The following ACADSB variants were observed in gnomAD, a reference collection of about 807,000 sequenced individuals.
ACADSB encodes short/branched chain specific acyl-CoA dehydrogenase, mitochondrial.
ACADSB carries 40 observed loss-of-function variants against 54.1 expected under a neutral mutation model. The observed-to-expected ratio is 0.74, with a 90% CI of 0.57 to 0.96. The LOEUF (loss-of-function observed/expected upper bound fraction) is 0.96, where lower values mean the gene tolerates loss of function less well. Among genes scored for constraint, ACADSB ranks in the 40% least tolerant of loss-of-function variants. The probability of loss-of-function intolerance (pLI) is 0.00; values close to 1 mark genes in which losing one functional copy is unlikely to be tolerated. For missense variants in ACADSB, 530 were observed against 510.4 expected, an observed-to-expected ratio of 1.04 and a Z score of -0.37; for synonymous variants, 182 against 182.8, an observed-to-expected ratio of 1.00 and a Z score of 0.03.
intron 1 of ACADSB, among the ~76,000 whole-genome samples, chr10:123,018,693 C>G (rs138833528): frequency 2.6e-5 from 4 of 152,168 alleles, no homozygotes; most frequent in African/African-American, 9.7e-5. Context: ...CGCAGTTCCA[C>G]GTGGCTGACG....
At chr10:123,041,966 C>CT (rs373340179) in intron 5 of ACADSB, among the ~76,000 whole-genome samples, 68,262 of 132,660 alleles carry the variant, frequency 0.51, 17,778 homozygotes, top group Middle Eastern at 0.6. Flanking sequence ...TTTTTCTTTT[C>CT]TTTTTTTTTT....
At chr10:123,012,659 G>A (rs757518227) in intron 1 of ACADSB, among the ~76,000 whole-genome samples, 24 of 152,004 alleles carry the variant, frequency 1.6e-4, no homozygotes, top group Non-Finnish European at 2.9e-4. Flanking sequence ...CGGCACATCT[G>A]GAGTTGTTCG....
chr10:123,043,879 T>C (rs1265318043), intron 6 of ACADSB, among the ~76,000 whole-genome samples: 1 of 152,248 alleles, frequency 6.6e-6, no homozygotes, highest in Non-Finnish European at 1.5e-5. Flanking sequence ...TTTTAAAGTA[T>C]GAATAAGCAT....
chr10:123,022,371 G>A (rs1850194439), intron 1 of ACADSB, among the ~76,000 whole-genome samples: 1 of 152,200 alleles, frequency 6.6e-6, no homozygotes, highest in Admixed American at 6.5e-5. Flanking sequence ...TGAAGCCACA[G>A]CTACTGAGCC....
At chr10:123,026,520 G>A (rs1850254294) in intron 1 of ACADSB, among the ~76,000 whole-genome samples, 1 of 152,050 alleles carries the variant, frequency 6.6e-6, no homozygotes. Flanking sequence ...AAGGAGTTTT[G>A]TTGTACCTTC....
At chr10:123,031,740 G>A (rs1850329880) in intron 1 of ACADSB, among the ~76,000 whole-genome samples, 1 of 152,094 alleles carries the variant, frequency 6.6e-6, no homozygotes, top group Non-Finnish European at 1.5e-5. Context: ...TGTATTTTAT[G>A]AAGAGCATCT....
chr10:123,040,658 C>G lies in ACADSB; in HGVS notation c.496C>G (p.Leu166Val), dbSNP rs186081101. ...ACAAAAGGCCACCTATTTGCCTCAG[C>G]TCACTACAGAAAAAGTGAGTTGAGA... ...EEQKATYLPQLTTEKVGSFCL... is the reference protein window; with the variant it reads ...EEQKATYLPQVTTEKVGSFCL... The change falls in exon 4 of 11, where the codon CTC (leucine) becomes GTC (valine). Residue 166 changes from leucine (L) to valine (V), a missense_variant. Leu to Val is a conservative substitution (Grantham distance 32). Transcript: ENST00000358776. The G allele has an allele frequency of 2.2e-5, 36 of 1,613,018 alleles. No individual in the cohort carries two copies. Among genetic ancestry groups the G allele is most frequent in the Non-Finnish European group, 3.1e-5 (36 of 1,179,030 alleles).
Position 123,041,294 on chromosome 10 carries a change from A to G in ACADSB, c.596A>G (p.Tyr199Cys). ...KTRADKEGDYYVLNGSKMWIS... is the reference protein window; with the variant it reads ...KTRADKEGDYCVLNGSKMWIS... ...AGAGCTGATAAAGAGGGAGATTATT[A>G]TGTCCTCAATGGATCAAAGATGTGG... The change falls in exon 5 of 11, where the codon TAT becomes TGT. Residue 199 changes from tyrosine to cysteine, a missense_variant. Tyr to Cys is a radical substitution (Grantham distance 194). Transcript: ENST00000358776. 3 of 1,614,200 alleles carry G rather than the reference A, an allele frequency of 1.9e-6. No homozygotes were observed. The highest frequency in any genetic ancestry group is 8.5e-7 in the Non-Finnish European group (1 of 1,180,018).
intron 6 of ACADSB, among the ~76,000 whole-genome samples, 196 bp downstream of exon 6, chr10:123,043,367 G>T (rs149934171): frequency 7.9e-5 from 12 of 152,348 alleles, no homozygotes; most frequent in African/African-American, 2.9e-4. Context: ...AAACCTTTCT[G>T]CCAAGAAGCT....
At chr10:123,024,253 G>A (rs1850219448) in intron 1 of ACADSB, among the ~76,000 whole-genome samples, 2 of 152,234 alleles carry the variant, frequency 1.3e-5, no homozygotes, top group Admixed American at 6.5e-5. Flanking sequence ...TTTAGTATAA[G>A]AAAAGAAGGT....
intron 2 of ACADSB, among the ~76,000 whole-genome samples, chr10:123,035,475 TG>T (rs1295417546): frequency 6.6e-6 from 1 of 152,180 alleles, no homozygotes; most frequent in African/African-American, 2.4e-5. Context: ...TTAGAGAATA[TG>T]GATGTTAAGT....
chr10:123,051,120 T>C lies in ACADSB; in HGVS notation c.1062T>C (p.Ala354=), dbSNP rs886046780. The C allele has an allele frequency of 5.0e-6, 8 of 1,603,676 alleles. No individual in the cohort carries two copies. Among genetic ancestry groups the C allele is most frequent in the East Asian group, 4.5e-5 (2 of 44,538 alleles). The part of the protein sequence containing the change: ...EAARLLTYNA[A]RLLEAGKPFI... ...CAAGATTACTAACATACAATGCTGC[T>C]AGGCTTTTAGAAGCTGGAAAGCCAT... Residue 354 remains alanine (A), a synonymous_variant, in exon 9 of 11, where the codon GCT becomes GCC. Coordinates refer to ENST00000358776, the MANE Select transcript of ACADSB (RefSeq NM_001609.4).
rs192427864 is a variant in ACADSB at position 123,012,519 on chromosome 10, G to A, written c.42+3448G>A. ...GGTGAGTGCTACAGTTCTTAAAGGC[G>A]GTGTGTCTGGAGTTTGTTCCTTCTG... On this transcript the variant is annotated intron_variant, in intron 1 of 10. Transcript: ENST00000358776. Among the ~76,000 whole-genome samples, 8 of 152,184 alleles carry A rather than the reference G, an allele frequency of 5.3e-5. No individual in the cohort carries two copies. In the South Asian group the frequency reaches 8.3e-4, roughly 16 times the overall value.
At chr10:123,040,097 A>T (rs763280192) in intron 3 of ACADSB, among the ~76,000 whole-genome samples, 24 of 152,114 alleles carry the variant, frequency 1.6e-4, no homozygotes, top group Admixed American at 5.2e-4. Context: ...TGTAATCCCA[A>T]CACTTTGAGA....
At chr10:123,012,852 C>A (rs1188074733) in intron 1 of ACADSB, among the ~76,000 whole-genome samples, 1 of 152,220 alleles carries the variant, frequency 6.6e-6, no homozygotes, top group African/African-American at 2.4e-5. Context: ...ATTGCCACTG[C>A]TGGCTCGGCA....
At chr10:123,028,121 C>T (rs1398368995) in intron 1 of ACADSB, among the ~76,000 whole-genome samples, 2 of 152,168 alleles carry the variant, frequency 1.3e-5, no homozygotes, top group African/African-American at 2.4e-5. Context: ...AACTGAAAAA[C>T]AACTCACCAC....
intron 1 of ACADSB, among the ~76,000 whole-genome samples, chr10:123,033,686 T>G (rs1482164623): frequency 6.6e-6 from 1 of 152,218 alleles, no homozygotes; most frequent in Non-Finnish European, 1.5e-5. Context: ...ACCTGCATTT[T>G]ACAGGTAAGG....
At chr10:123,049,643 T>C (rs1248925171) in intron 8 of ACADSB, among the ~76,000 whole-genome samples, 3 of 152,154 alleles carry the variant, frequency 2.0e-5, no homozygotes, top group Non-Finnish European at 2.9e-5. Flanking sequence ...AATAGACCCA[T>C]GCATGCAGCA....
intron 1 of ACADSB, among the ~76,000 whole-genome samples, chr10:123,028,855 A>AC (rs1278420286): frequency 6.6e-6 from 1 of 151,968 alleles, no homozygotes; most frequent in East Asian, 1.9e-4. Flanking sequence ...ACATAGCAAG[A>AC]CCCCATCTCT....
Sources: gnomAD v4.1 joint callset for allele counts (sites outside exome capture counted in the v4.1 genomes callset) on GRCh38, gnomAD v4.1.1 for gene constraint, MANE v1.5 for transcripts, NCBI Gene and HGNC (gene_info 2026-07-23, HGNC 2026-07-21) for gene names.